The following PCDHA1 variants were observed in gnomAD, a reference collection of about 807,000 sequenced individuals.
The protein encoded by PCDHA1 is protocadherin alpha-1.
A neutral mutation model predicts 61.3 loss-of-function variants in PCDHA1; 42 were observed. The observed-to-expected ratio is 0.69, with a 90% CI of 0.54 to 0.89. The LOEUF (loss-of-function observed/expected upper bound fraction) is 0.89, where lower values mean the gene tolerates loss of function less well. Among genes scored for constraint, PCDHA1 ranks in the 40% least tolerant of loss-of-function variants. PCDHA1 has a pLI of 0.00. For missense variants in PCDHA1, 1,256 were observed against 1,235.3 expected (o/e 1.02, Z -0.25); for synonymous variants, 610 against 553.8 (o/e 1.10, Z -1.43).
At chr5:140,877,136 T>C (rs782812769) in intron 1 of PCDHA1, 2 of 1,613,760 alleles carry the variant, frequency 1.2e-6, no homozygotes, top group Non-Finnish European at 1.7e-6. Context: ...CAGGTGTTCG[T>C]GCTGGACGAG....
intron 1 of PCDHA1, chr5:140,836,013 C>T: frequency 1.9e-6 from 3 of 1,613,378 alleles, no homozygotes; most frequent in Non-Finnish European, 2.5e-6. Flanking sequence ...GGGCGTGCCG[C>T]CTCTGGGCAG....
intron 3 of PCDHA1, 48 bp from the exon 4 acceptor site, chr5:141,009,579 A>T: frequency 6.3e-7 from 1 of 1,586,202 alleles, no homozygotes; most frequent in Non-Finnish European, 8.6e-7. Context: ...TGTGGCATCA[A>T]GAGCATGTGT....
chr5:140,867,634 A>G (rs2050082134), intron 1 of PCDHA1: 1 of 152,166 alleles, frequency 6.6e-6, no homozygotes, highest in Admixed American at 6.5e-5. Flanking sequence ...TATTTAAGCT[A>G]GAGTGATATT....
intron 1 of PCDHA1, among the ~76,000 whole-genome samples, chr5:140,954,349 G>A (rs554018151): frequency 2.0e-4 from 31 of 152,312 alleles, no homozygotes; most frequent in Admixed American, 1.8e-3. Flanking sequence ...AGATCTTTGA[G>A]GAATCGCCAC....
intron 1 of PCDHA1, chr5:140,825,453 A>G (rs1562282802): frequency 2.0e-5 from 3 of 148,792 alleles, no homozygotes; most frequent in Admixed American, 1.4e-4. Flanking sequence ...TATATATCAG[A>G]TATTTTGATA....
chr5:140,954,724 C>T (rs2095079319), intron 1 of PCDHA1, among the ~76,000 whole-genome samples: 1 of 152,196 alleles, frequency 6.6e-6, no homozygotes, highest in Admixed American at 6.5e-5. Context: ...TGTAGGTTGT[C>T]TTTTCACTCT....
At chr5:140,911,202 A>C (rs1554194649) in intron 1 of PCDHA1, among the ~76,000 whole-genome samples, 1 of 152,184 alleles carries the variant, frequency 6.6e-6, no homozygotes. Flanking sequence ...ACATGTTGCC[A>C]CTACTGGGGA....
intron 1 of PCDHA1, among the ~76,000 whole-genome samples, chr5:140,900,525 C>A (rs1322679465): frequency 6.6e-6 from 1 of 152,232 alleles, no homozygotes; most frequent in East Asian, 1.9e-4. Context: ...GATCTGCCCA[C>A]CTCGGCTTTC....
chr5:140,958,546 C>A (rs1366018855), intron 1 of PCDHA1, among the ~76,000 whole-genome samples: 3 of 152,034 alleles, frequency 2.0e-5, no homozygotes, highest in Non-Finnish European at 4.4e-5. Context: ...ATTTATGAAC[C>A]AATAAATGTT....
intron 3 of PCDHA1, among the ~76,000 whole-genome samples, chr5:140,994,795 G>A (rs2097650396): frequency 6.6e-6 from 1 of 152,184 alleles, no homozygotes; most frequent in Admixed American, 6.6e-5. Flanking sequence ...ATGCGTGCAT[G>A]CAAAAACAAA....
chr5:140,857,254 T>C (rs2044453142), intron 1 of PCDHA1: 2 of 1,598,512 alleles, frequency 1.3e-6, no homozygotes, highest in East Asian at 4.5e-5. Flanking sequence ...CCTACAAGAA[T>C]TACTACTCAT....
intron 1 of PCDHA1, among the ~76,000 whole-genome samples, chr5:140,933,883 T>C (rs376864592): frequency 1.3e-5 from 2 of 152,084 alleles, no homozygotes; most frequent in East Asian, 1.9e-4. Context: ...GTTTTATCTG[T>C]ACTTTTGAAT....
chr5:140,841,237 C>T (rs1428420937), intron 1 of PCDHA1: 16 of 1,479,782 alleles, frequency 1.1e-5, no homozygotes, highest in Middle Eastern at 2.0e-4. Context: ...GGAGATGCAG[C>T]GGAATTGGAT....
In PCDHA1 at chr5:141,010,583, G is replaced by A. The variant is rs1186884021; in HGVS notation, c.*646G>A. The A allele has an allele frequency of 4.1e-5, 10 of 242,992 alleles. No individual in the cohort carries two copies. The highest frequency in any genetic ancestry group is 3.6e-4 in the Admixed American group (7 of 19,606). 15.1% of individuals were successfully genotyped at this position (242,992 alleles called of 1,614,324 possible). A position where few individuals can be genotyped will look rare whatever the true frequency, so the allele number is the denominator to read the frequency against. The stretch of plus-strand genomic sequence containing the variant: ...TGACAAGGCTTTAGGAGACCCTAAA[G>A]TCTGTTGGCTGTGACGTCATTATAC... On this transcript the variant is annotated 3_prime_UTR_variant, in exon 4 of 4. Coordinates refer to ENST00000504120, the MANE Select transcript of PCDHA1 (RefSeq NM_018900.4).
intron 1 of PCDHA1, chr5:140,795,431 G>C (rs895450115): frequency 4.3e-6 from 7 of 1,614,030 alleles, no homozygotes; most frequent in Admixed American, 3.3e-5. Flanking sequence ...CCTCTAGAGG[G>C]AGCATCTGAT....
chr5:140,850,188 C>T (rs2150472267), intron 1 of PCDHA1: 1 of 1,593,702 alleles, frequency 6.3e-7, no homozygotes, highest in Non-Finnish European at 8.6e-7. Flanking sequence ...TGCGCCGGCG[C>T]TGCTGACACC....
intron 1 of PCDHA1, chr5:140,797,427 T>A: frequency 1.4e-6 from 2 of 1,440,942 alleles, no homozygotes; most frequent in Non-Finnish European, 1.9e-6. Context: ...CTACTAGTTA[T>A]TTAGATTCAT....
chr5:140,968,234 A>T (rs1426230655), intron 1 of PCDHA1: 1 of 1,613,870 alleles, frequency 6.2e-7, no homozygotes, highest in Non-Finnish European at 8.5e-7. Flanking sequence ...GTTGCTCTGT[A>T]CTGTGCAAGC....
chr5:140,790,526 A>G (rs1056079159), intron 1 of PCDHA1, among the ~76,000 whole-genome samples: 2 of 152,218 alleles, frequency 1.3e-5, no homozygotes, highest in African/African-American at 4.8e-5. Context: ...TTAATATATT[A>G]TCGTACTCAG....
Sources: allele counts gnomAD v4.1 joint callset (sites outside exome capture counted in the v4.1 genomes callset), GRCh38; gene constraint gnomAD v4.1.1; transcripts MANE v1.5; gene names NCBI Gene and HGNC (gene_info 2026-07-23, HGNC 2026-07-21).